ASAP1: variants seen among roughly 807,000 people sequenced by gnomAD.
ASAP1 encodes ArfGAP with SH3 domain, ankyrin repeat and PH domain 1, also known as arf-GAP with SH3 domain, ANK repeat and PH domain-containing protein 1.
In ASAP1, 43 loss-of-function variants were observed where a neutral mutation model predicts 145.2. The ratio of observed to expected loss-of-function variants is 0.30; its 90% CI spans 0.23 to 0.38. The LOEUF is 0.38. Ranked by LOEUF, ASAP1 falls within the 10% of genes least tolerant of loss-of-function variation. The pLI is 1.00. For missense variants in ASAP1, 1,018 were observed against 1,355.3 expected, an observed-to-expected ratio of 0.75 and a Z score of 3.91; for synonymous variants, 546 against 515.5, an observed-to-expected ratio of 1.06 and a Z score of -0.80.
At chr8:130,390,195 C>T (rs1432589372) in intron 2 of ASAP1, among the ~76,000 whole-genome samples, 1 of 152,190 alleles carries the variant, frequency 6.6e-6, no homozygotes, top group East Asian at 1.9e-4. Flanking sequence ...ACACAGTAGC[C>T]ACTACCTATA....
intron 3 of ASAP1, among the ~76,000 whole-genome samples, chr8:130,245,605 A>C (rs1818800126): frequency 6.6e-6 from 1 of 152,196 alleles, no homozygotes; most frequent in Non-Finnish European, 1.5e-5. Context: ...GTACTGCATA[A>C]AACTAGCTCG....
At chr8:130,235,655 T>A (rs1165662030) in intron 4 of ASAP1, among the ~76,000 whole-genome samples, 2 of 152,162 alleles carry the variant, frequency 1.3e-5, no homozygotes, top group Non-Finnish European at 2.9e-5. Context: ...GAGAAGTTAG[T>A]GGATATAAAG....
chr8:130,298,296 A>G (rs1304737074), intron 3 of ASAP1, among the ~76,000 whole-genome samples: 1 of 152,218 alleles, frequency 6.6e-6, no homozygotes, highest in Admixed American at 6.5e-5. Flanking sequence ...AACATGATGT[A>G]CAACATAGAT....
intron 5 of ASAP1, among the ~76,000 whole-genome samples, chr8:130,192,956 A>T (rs1815241034): frequency 6.6e-6 from 1 of 152,256 alleles, no homozygotes; most frequent in South Asian, 2.1e-4. Flanking sequence ...CAGAGTTTCT[A>T]AACAACAGCC....
intron 27 of ASAP1, among the ~76,000 whole-genome samples, chr8:130,074,125 A>G (rs972811781): frequency 3.3e-5 from 5 of 152,176 alleles, no homozygotes; most frequent in South Asian, 2.1e-4. Context: ...TAAAAAAAAA[A>G]AGGGGGCAAT....
At chr8:130,147,198 CAAAAAAAAAA>C (rs559149769) in intron 13 of ASAP1, among the ~76,000 whole-genome samples, 10 of 63,370 alleles carry the variant, frequency 1.6e-4, no homozygotes, top group Admixed American at 1.3e-3. Flanking sequence ...AATGCAGTCT[CAAAAAAAAAA>C]AAAAAAAAAA....
chr8:130,316,486 T>C (rs1823670582), intron 3 of ASAP1, among the ~76,000 whole-genome samples: 3 of 152,328 alleles, frequency 2.0e-5, no homozygotes, highest in African/African-American at 7.2e-5. Flanking sequence ...ATTTTGAAAA[T>C]ACAAGTTTCC....
intron 17 of ASAP1, among the ~76,000 whole-genome samples, chr8:130,125,469 C>T (rs1462778498): frequency 6.6e-6 from 1 of 151,994 alleles, no homozygotes; most frequent in East Asian, 1.9e-4. Flanking sequence ...TCCCTTACTA[C>T]CTAAAGAAGT....
intron 3 of ASAP1, among the ~76,000 whole-genome samples, chr8:130,276,728 A>T (rs1298714): frequency 0.064 from 5,577 of 86,724 alleles, 257 homozygotes; most frequent in African/African-American, 0.13. Flanking sequence ...ACACACACAC[A>T]CTCTCTCTCT....
At chr8:130,178,927 G>A (rs1312051354) in intron 9 of ASAP1, among the ~76,000 whole-genome samples, 1 of 151,874 alleles carries the variant, frequency 6.6e-6, no homozygotes, top group Non-Finnish European at 1.5e-5. Context: ...AAGTAAGAGA[G>A]TCAGGGTAGG....
At chr8:130,153,046 T>TAG (rs1197495218) in intron 12 of ASAP1, among the ~76,000 whole-genome samples, 1 of 151,798 alleles carries the variant, frequency 6.6e-6, no homozygotes, top group Non-Finnish European at 1.5e-5. Flanking sequence ...AGATGGAGTC[T>TAG]TGCTCTGTTG....
At chr8:130,301,860 A>T (rs1445303137) in intron 3 of ASAP1, among the ~76,000 whole-genome samples, 3 of 152,146 alleles carry the variant, frequency 2.0e-5, no homozygotes, top group Non-Finnish European at 4.4e-5. Flanking sequence ...AGGATGTCTC[A>T]TTCTTTCTGC....
At chr8:130,342,483 C>T (rs997914152) in intron 3 of ASAP1, among the ~76,000 whole-genome samples, 2 of 152,132 alleles carry the variant, frequency 1.3e-5, no homozygotes, top group Non-Finnish European at 2.9e-5. Context: ...CTGAAATCCA[C>T]AGGGAAAGAT....
chr8:130,352,240 A>G (rs945816530), intron 3 of ASAP1, among the ~76,000 whole-genome samples: 7 of 148,846 alleles, frequency 4.7e-5, no homozygotes, highest in Admixed American at 1.3e-4. Flanking sequence ...TAAGACTACA[A>G]TCTCCTTGGG....
At chr8:130,191,808 C>T (rs561556727) in intron 5 of ASAP1, among the ~76,000 whole-genome samples, 1 of 152,086 alleles carries the variant, frequency 6.6e-6, no homozygotes, top group Non-Finnish European at 1.5e-5. Flanking sequence ...ATTTTAAATG[C>T]TATGGCATGC....
intron 1 of ASAP1, among the ~76,000 whole-genome samples, chr8:130,429,841 G>T (rs150622271): frequency 6.6e-6 from 1 of 152,270 alleles, no homozygotes; most frequent in African/African-American, 2.4e-5. Context: ...TGTATACTTC[G>T]CTGACTAATT....
At chr8:130,155,134 C>T (rs2097655638) in intron 12 of ASAP1, among the ~76,000 whole-genome samples, 1 of 152,170 alleles carries the variant, frequency 6.6e-6, no homozygotes, top group South Asian at 2.1e-4. Context: ...CTCAGTTTAT[C>T]CATTTTATTA....
intron 3 of ASAP1, among the ~76,000 whole-genome samples, chr8:130,272,764 CT>C (rs1372799875): frequency 6.6e-6 from 1 of 152,110 alleles, no homozygotes; most frequent in Non-Finnish European, 1.5e-5. Context: ...AGAACAATAT[CT>C]TATGTTCTCA....
At chr8:130,421,088 T>G (rs377751105) in intron 1 of ASAP1, among the ~76,000 whole-genome samples, 7 of 152,274 alleles carry the variant, frequency 4.6e-5, no homozygotes, top group East Asian at 3.9e-4. Context: ...CCTTACTAGC[T>G]GTGTGACCTT....
Sources: gnomAD v4.1 joint callset for allele counts (sites outside exome capture counted in the v4.1 genomes callset) on GRCh38, gnomAD v4.1.1 for gene constraint, MANE v1.5 for transcripts, NCBI Gene and HGNC (gene_info 2026-07-23, HGNC 2026-07-21) for gene names.